The following ADGRL3 variants were observed in gnomAD, a reference collection of about 807,000 sequenced individuals.
ADGRL3 encodes calcium-independent alpha-latrotoxin receptor 3.
In ADGRL3, 62 loss-of-function variants were observed where a neutral mutation model predicts 153.5. The observed-to-expected ratio is 0.40, with a 90% CI of 0.33 to 0.50. The LOEUF (loss-of-function observed/expected upper bound fraction) is 0.50. ADGRL3 is among the 20% of genes least tolerant of loss of function. ADGRL3 has a pLI of 0.47. For synonymous variants in ADGRL3, 710 were observed against 672.5 expected (o/e 1.06, Z -0.86); for missense variants, 1,641 against 1,859.4 (o/e 0.88, Z 2.16).
At chr4:61,920,738 A>G (rs933803674) in intron 13 of ADGRL3, among the ~76,000 whole-genome samples, 8 of 152,212 alleles carry the variant, frequency 5.3e-5, no homozygotes, top group Non-Finnish European at 7.3e-5. Flanking sequence ...TGTCATGCTA[A>G]TCTTCTAAAA....
intron 8 of ADGRL3, among the ~76,000 whole-genome samples, chr4:61,784,065 G>A (rs1368701594): frequency 6.6e-6 from 1 of 152,076 alleles, no homozygotes; most frequent in Non-Finnish European, 1.5e-5. Context: ...AGTTAGCCTA[G>A]AAAGTAGTCT....
intron 24 of ADGRL3, among the ~76,000 whole-genome samples, chr4:62,039,424 T>C (rs1424501297): frequency 6.6e-6 from 1 of 152,188 alleles, no homozygotes; most frequent in South Asian, 2.1e-4. Context: ...CCAATTAAAA[T>C]TTTAAAAACT....
intron 6 of ADGRL3, among the ~76,000 whole-genome samples, chr4:61,726,501 G>T (rs996526109): frequency 6.6e-6 from 1 of 151,944 alleles, no homozygotes; most frequent in East Asian, 1.9e-4. Flanking sequence ...GCCCAGCCTG[G>T]AACATTTTTT....
At chr4:61,448,634 A>G (rs1186946957) in intron 2 of ADGRL3, among the ~76,000 whole-genome samples, 1 of 152,034 alleles carries the variant, frequency 6.6e-6, no homozygotes, top group African/African-American at 2.4e-5. Flanking sequence ...ATTTAAATGG[A>G]AATTTGATTC....
chr4:61,242,341 G>A (rs1190765110), intron 1 of ADGRL3, among the ~76,000 whole-genome samples: 1 of 152,002 alleles, frequency 6.6e-6, no homozygotes, highest in African/African-American at 2.4e-5. Context: ...GTTAAATGAG[G>A]TGAATGAATG....
intron 4 of ADGRL3, chr4:61,583,745 A>T: frequency 1.9e-6 from 1 of 518,328 alleles, no homozygotes; most frequent in Admixed American, 1.9e-5. Context: ...CAGATTTCAC[A>T]TCTAAAACTT....
At chr4:61,835,353 A>C (rs532631709) in intron 9 of ADGRL3, among the ~76,000 whole-genome samples, 23 of 146,840 alleles carry the variant, frequency 1.6e-4, no homozygotes, top group African/African-American at 4.8e-4. Context: ...AAAAAAAAAA[A>C]AAAAAAAGGA....
At chr4:61,352,018 A>C (rs2151331080) in intron 1 of ADGRL3, among the ~76,000 whole-genome samples, 1 of 152,296 alleles carries the variant, frequency 6.6e-6, no homozygotes, top group South Asian at 2.1e-4. Context: ...TAAATTGAAA[A>C]CCTTCTAGAA....
chr4:61,355,435 G>A (rs756765477), intron 1 of ADGRL3, among the ~76,000 whole-genome samples: 35 of 151,834 alleles, frequency 2.3e-4, no homozygotes, highest in Admixed American at 5.2e-4. Context: ...TTCACTTCAC[G>A]GAGATAGTTG....
intron 9 of ADGRL3, among the ~76,000 whole-genome samples, chr4:61,872,356 G>A (rs1209424808): frequency 1.3e-5 from 2 of 151,144 alleles, no homozygotes; most frequent in African/African-American, 4.9e-5. Flanking sequence ...AGTGGCAGCA[G>A]AGAATAATGC....
chr4:61,211,114 A>T (rs749849635), intron 1 of ADGRL3, among the ~76,000 whole-genome samples: 4 of 152,206 alleles, frequency 2.6e-5, no homozygotes, highest in Non-Finnish European at 5.9e-5. Flanking sequence ...AATTTAACTT[A>T]AAATATTTAA....
At chr4:61,815,897 C>G (rs2097683394) in intron 9 of ADGRL3, among the ~76,000 whole-genome samples, 1 of 152,204 alleles carries the variant, frequency 6.6e-6, no homozygotes, top group Non-Finnish European at 1.5e-5. Flanking sequence ...CGATGGGCTT[C>G]TCAGCCTCCA....
intron 1 of ADGRL3, among the ~76,000 whole-genome samples, chr4:61,294,380 T>G (rs2094332741): frequency 6.6e-6 from 1 of 152,154 alleles, no homozygotes; most frequent in Admixed American, 6.5e-5. Context: ...GTAGGCAAAT[T>G]TAAGTGTTCT....
rs1735172465 is a variant in ADGRL3, at chr4:61,202,451, A to G, written c.-240+686A>G. On this transcript the variant is annotated intron_variant, in intron 1 of 26. Coordinates refer to ENST00000683033, the MANE Select transcript of ADGRL3 (RefSeq NM_001387552.1). The surrounding 1 kb of genome is among the most constrained non-coding windows in gnomAD (Gnocchi z 5.0). Reference sequence around the variant, plus strand: ...GGCTTTGTTAGGCGGTTTTGGCTGGAGAAAGCTGCCACTTTCGTGGGTGGC... The same window carrying G: ...GGCTTTGTTAGGCGGTTTTGGCTGGGGAAAGCTGCCACTTTCGTGGGTGGC... Among the ~76,000 whole-genome samples, 2 of 152,050 alleles carry G rather than the reference A, an allele frequency of 1.3e-5. No individual in the cohort carries two copies. Among genetic ancestry groups the G allele is most frequent in the Non-Finnish European group, 1.5e-5 (1 of 68,028 alleles).
chr4:61,812,654 G>T (rs1178937657), intron 8 of ADGRL3, among the ~76,000 whole-genome samples: 1 of 152,108 alleles, frequency 6.6e-6, no homozygotes, highest in Non-Finnish European at 1.5e-5. Flanking sequence ...ATGCTTTCTT[G>T]CCTCAAAATC....
intron 5 of ADGRL3, among the ~76,000 whole-genome samples, chr4:61,613,811 T>C (rs1297309140): frequency 6.6e-6 from 1 of 152,130 alleles, no homozygotes; most frequent in African/African-American, 2.4e-5. Flanking sequence ...AAACAAAATA[T>C]GTAAACTGAG....
At chr4:61,833,037 A>G (rs544676080) in intron 9 of ADGRL3, among the ~76,000 whole-genome samples, 2 of 152,286 alleles carry the variant, frequency 1.3e-5, no homozygotes, top group African/African-American at 4.8e-5. Flanking sequence ...GTGTGAAAAT[A>G]AAACCATTAA....
At chr4:61,225,390 A>G (rs1439006156) in intron 1 of ADGRL3, among the ~76,000 whole-genome samples, 1 of 152,170 alleles carries the variant, frequency 6.6e-6, no homozygotes, top group Non-Finnish European at 1.5e-5. Flanking sequence ...TCAGTTTTAT[A>G]TAGCTGTTGT....
intron 6 of ADGRL3, among the ~76,000 whole-genome samples, chr4:61,690,085 G>A (rs192481030): frequency 1.1e-4 from 16 of 152,188 alleles, no homozygotes; most frequent in East Asian, 5.8e-4. Context: ...TTTTCTGGGC[G>A]TAGTTTTTAA....
Sources: gnomAD v4.1 joint callset for allele counts (sites outside exome capture counted in the v4.1 genomes callset) on GRCh38, gnomAD v4.1.1 for gene constraint, Gnocchi (gnomAD v3.1) non-coding constraint, MANE v1.5 for transcripts, NCBI Gene and HGNC (gene_info 2026-07-23, HGNC 2026-07-21) for gene names.